Variants in EFTUD2 observed in about 807,000 individuals in gnomAD.
EFTUD2 encodes the protein elongation factor Tu GTP binding domain containing 2, also known as 116 kDa U5 small nuclear ribonucleoprotein component.
EFTUD2 carries 9 observed loss-of-function variants against 114.3 expected under a neutral mutation model. The observed-to-expected ratio is 0.08, with a 90% confidence interval of 0.05 to 0.14. EFTUD2 has a LOEUF of 0.14. EFTUD2 is among the 10% of genes least tolerant of loss of function. The pLI is 1.00. For synonymous variants in EFTUD2, 449 were observed against 462.3 expected (o/e 0.97, Z 0.37); for missense variants, 765 against 1,241.2 (o/e 0.62, Z 5.76).
intron 13 of EFTUD2, among the ~76,000 whole-genome samples, chr17:44,865,530 G>C (rs2050730490): frequency 6.6e-6 from 1 of 152,086 alleles, no homozygotes; most frequent in South Asian, 2.1e-4. Context: ...ACTGAGGCAG[G>C]CTCTATAAAT....
At position 44,879,604 on chromosome 17, in the gene EFTUD2, G is replaced by A. The variant is rs369785396; in HGVS notation, c.654C>T (p.Gly218=). ...GGACCACTCCATCTGAGATGCGCAA[G>A]CCAGCTGTGACCTCATCAGAGAAAT... The part of the protein sequence containing the change: ...HVNFSDEVTA[G]LRISDGVVLF... Residue 218 remains glycine (G), a synonymous_variant, in exon 9 of 28, where the codon GGC becomes GGT. Coordinates refer to ENST00000426333, the MANE Select transcript of EFTUD2 (RefSeq NM_004247.4). 11 of 1,613,924 alleles carry A rather than the reference G, an allele frequency of 6.8e-6. No individual in the cohort carries two copies. Among genetic ancestry groups the A allele is most frequent in the Non-Finnish European group, 9.3e-6 (11 of 1,179,982 alleles).
intron 10 of EFTUD2, among the ~76,000 whole-genome samples, chr17:44,873,457 G>A (rs760645200): frequency 3.3e-5 from 5 of 151,916 alleles, no homozygotes; most frequent in Non-Finnish European, 7.4e-5. Context: ...TCAAGCTCAC[G>A]CAATCCTCCC....
rs962791139 is a variant in EFTUD2 at position 44,877,759 on chromosome 17, T to C, written c.703-1659A>G. 2.6e-5 allele frequency among the ~76,000 whole-genome samples: 4 copies of C among 151,696 alleles called. No individual in the cohort carries two copies. In the East Asian group the frequency reaches 5.8e-4, roughly 22 times the overall value. ...AGGCAGAGGTTGCAGTGAGCCAAGA[T>C]TGCGCCACTGCACTCCAGCCTGGGC... On this transcript the variant is annotated intron_variant, in intron 9 of 27. Transcript: ENST00000426333.
chr17:44,867,704 T>C lies in EFTUD2; in HGVS notation c.1149+103A>G, dbSNP rs367960428. The C allele has an allele frequency of 1.0e-3, 1,064 of 1,041,336 alleles. 25 individuals carry two copies. The South Asian group carries it at 0.027, about 26-fold the overall frequency. 64.5% of individuals were successfully genotyped at this position (1,041,336 alleles called of 1,614,324 possible). On this transcript the variant is annotated intron_variant, in intron 13 of 27. Transcript: ENST00000426333. ...CCAACAACCACCCTTATACTTGACA[T>C]AAAACTGAGCAGGTTTAGGGACAGA...
intron 9 of EFTUD2, 81 bp from the exon 10 acceptor site, chr17:44,876,181 T>C (rs922707596): frequency 2.7e-6 from 4 of 1,493,444 alleles, no homozygotes; most frequent in South Asian, 1.3e-5. Flanking sequence ...AAGGCACTAT[T>C]TCAAACCATG....
Position 44,859,952 on chromosome 17 carries a change from C to G in EFTUD2, c.1813G>C (p.Asp605His). 6.2e-7 allele frequency: 1 copy of G among 1,614,170 alleles called. No individual in the cohort carries two copies. Among genetic ancestry groups the G allele is most frequent in the Non-Finnish European group, 8.5e-7 (1 of 1,180,038 alleles). The change falls in exon 18 of 28, where the codon GAT becomes CAT. Residue 605 changes from aspartate to histidine, a missense_variant. By Grantham distance (81) the Asp-to-His change is moderately conservative. Coordinates refer to ENST00000426333, the MANE Select transcript of EFTUD2 (RefSeq NM_004247.4). ...VNPSELPKML[D>H]GLRKVNKSYP... ...CTCTTGTTGACCTTGCGCAGGCCAT[C>G]AAGCATCTTGGGCAGCTCTGAGGGG...
At chr17:44,871,900 T>C (rs1319015125) in intron 11 of EFTUD2, among the ~76,000 whole-genome samples, 4 of 152,124 alleles carry the variant, frequency 2.6e-5, no homozygotes, top group Admixed American at 2.6e-4. Flanking sequence ...ACTGGGGAAG[T>C]GCAAAGATGA....
rs779361868 is a variant in EFTUD2 at position 44,881,725 on chromosome 17, GA to G, written c.493-4del. 3.1e-6 allele frequency: 5 copies of G among 1,613,608 alleles called. No individual in the cohort carries two copies. The highest frequency in any genetic ancestry group is 1.7e-4 in the Middle Eastern group (1 of 6,054). ...AAGAGGATGTCAGTATAGCACAGCT[GA>G]AAAAAAATTAACTGTTGTTACCACC... On this transcript the variant is annotated splice_region_variant and splice_polypyrimidine_tract_variant and intron_variant, in intron 6 of 27. Coordinates refer to ENST00000426333, the MANE Select transcript of EFTUD2 (RefSeq NM_004247.4).
intron 16 of EFTUD2, 93 bp from the exon 17 acceptor site, chr17:44,860,636 G>A: frequency 1.4e-6 from 1 of 733,112 alleles, no homozygotes; most frequent in Non-Finnish European, 2.1e-6. Context: ...ATCTCACTTT[G>A]TTACCAGGCT....
At chr17:44,893,784 G>A (rs1479713290) in intron 2 of EFTUD2, among the ~76,000 whole-genome samples, 1 of 129,278 alleles carries the variant, frequency 7.7e-6, no homozygotes, top group Non-Finnish European at 1.6e-5. Flanking sequence ...GGGGGTGGGG[G>A]GGCAGGCATG....
intron 19 of EFTUD2, among the ~76,000 whole-genome samples, chr17:44,858,748 A>AT (rs1210994129): frequency 1.3e-5 from 2 of 151,646 alleles, no homozygotes; most frequent in Admixed American, 1.3e-4. Context: ...CGGCCTGGCT[A>AT]TTTTTTTTAT....
chr17:44,869,926 T>C (rs920922770), intron 11 of EFTUD2, among the ~76,000 whole-genome samples: 4 of 152,240 alleles, frequency 2.6e-5, no homozygotes, highest in African/African-American at 9.6e-5. Context: ...AAGTTGTTCA[T>C]GATGCCTTAT....
rs187050838 is a variant in EFTUD2 at position 44,888,246 on chromosome 17, C to T, written c.106-1496G>A. Reference sequence around the variant, plus strand: ...GGCAAACAGACAGGATCTTCTGGACCGCTCTAAGAATTTGGACTTTACTTT... The same window carrying T: ...GGCAAACAGACAGGATCTTCTGGACTGCTCTAAGAATTTGGACTTTACTTT... On this transcript the variant is annotated intron_variant, in intron 2 of 27. Coordinates refer to ENST00000426333, the MANE Select transcript of EFTUD2 (RefSeq NM_004247.4). 1.3e-4 allele frequency among the ~76,000 whole-genome samples: 20 copies of T among 152,248 alleles called. No homozygotes were observed. In the East Asian group the frequency reaches 1.5e-3, roughly 12 times the overall value.
At chr17:44,899,056 G>A (rs1205911936) in intron 1 of EFTUD2, 3 of 152,212 alleles carry the variant, frequency 2.0e-5, no homozygotes, top group African/African-American at 4.8e-5. Context: ...AAGCGGCACG[G>A]ATAGAAGAGG....
rs1267806375 is a variant in EFTUD2, at chr17:44,853,362, T to C, written c.2495A>G (p.Tyr832Cys). 1.4e-5 allele frequency: 23 copies of C among 1,613,878 alleles called. No individual in the cohort carries two copies. In the Admixed American group the frequency reaches 2.8e-4, roughly 20 times the overall value. Residue 832 changes from tyrosine (Y) to cysteine (C), a missense_variant, in exon 25 of 28, where the codon TAC becomes TGC. Transcript: ENST00000426333. ...MATPRLMEPYYFVEVQAPADC... is the reference protein window; with the variant it reads ...MATPRLMEPYCFVEVQAPADC... ...TGCAGGGGCCTGGACCTCTACAAAG[T>C]AGTAAGGCTCCATCAGACGAGGAGT...
At chr17:44,893,486 A>G (rs2051319703) in intron 2 of EFTUD2, among the ~76,000 whole-genome samples, 1 of 152,206 alleles carries the variant, frequency 6.6e-6, no homozygotes, top group South Asian at 2.1e-4. Flanking sequence ...GTGCAGCTGT[A>G]GCTGGAAGAG....
At chr17:44,891,020 A>G (rs2051269429) in intron 2 of EFTUD2, among the ~76,000 whole-genome samples, 2 of 152,170 alleles carry the variant, frequency 1.3e-5, no homozygotes. Context: ...TCACTAAGAG[A>G]GGAATGTCAC....
intron 14 of EFTUD2, 76 bp downstream of exon 14, chr17:44,864,854 G>C: frequency 6.4e-7 from 1 of 1,565,636 alleles, no homozygotes. Flanking sequence ...CCATCGCTGG[G>C]TGAGAAAAAA....
intron 26 of EFTUD2, among the ~76,000 whole-genome samples, chr17:44,852,163 C>T (rs573526166): frequency 8.6e-5 from 13 of 151,728 alleles, no homozygotes; most frequent in Admixed American, 6.6e-4. Flanking sequence ...GTGACCTGCC[C>T]GCCTCAGCCT....
Sources: allele counts gnomAD v4.1 joint callset (sites outside exome capture counted in the v4.1 genomes callset), GRCh38; gene constraint gnomAD v4.1.1; transcripts MANE v1.5; gene names NCBI Gene and HGNC (gene_info 2026-07-23, HGNC 2026-07-21).